Variants in KMT2C observed in about 807,000 individuals in gnomAD.
KMT2C encodes the protein histone-lysine N-methyltransferase 2C.
Under a neutral mutation model 507.9 loss-of-function variants are expected in KMT2C, and 88 were observed. The ratio of observed to expected loss-of-function variants is 0.17; its 90% confidence interval spans 0.15 to 0.21. KMT2C has a LOEUF of 0.21. Among genes scored for constraint, KMT2C ranks in the 10% least tolerant of loss-of-function variants. The probability of loss-of-function intolerance (pLI) is 1.00; values close to 1 mark genes in which losing one functional copy is unlikely to be tolerated. For missense variants in KMT2C, 4,954 were observed against 5,957.8 expected, an observed-to-expected ratio of 0.83 and a Z score of 5.55; for synonymous variants, 2,049 against 2,080.8, an observed-to-expected ratio of 0.98 and a Z score of 0.42.
intron 6 of KMT2C, among the ~76,000 whole-genome samples, chr7:152,281,743 CAA>C (rs144376346): frequency 1.6e-4 from 22 of 133,814 alleles, no homozygotes; most frequent in East Asian, 4.4e-4. Flanking sequence ...AAAACAAAAA[CAA>C]AAAAAAAAAG....
chr7:152,256,612 T>C (rs2095666163), intron 9 of KMT2C, among the ~76,000 whole-genome samples: 1 of 152,156 alleles, frequency 6.6e-6, no homozygotes, highest in Admixed American at 6.5e-5. Flanking sequence ...AGTATCTGCA[T>C]CATGTAACAC....
At chr7:152,287,728 C>CA in intron 6 of KMT2C, among the ~76,000 whole-genome samples, 1 of 152,226 alleles carries the variant, frequency 6.6e-6, no homozygotes, top group South Asian at 2.1e-4. Flanking sequence ...AACACTGCTT[C>CA]AACAAGCAAT....
In KMT2C at chr7:152,252,540, T is replaced by C. The variant is rs1341998555; in HGVS notation, c.1469+6A>G. 7 of 1,607,958 alleles carry C rather than the reference T, an allele frequency of 4.4e-6. No homozygotes were observed. The highest frequency in any genetic ancestry group is 6.0e-6 in the Non-Finnish European group (7 of 1,175,508). On this transcript the variant is annotated splice_donor_region_variant and intron_variant, in intron 10 of 58. Transcript: ENST00000262189. ...AAACAACTGAATAGAATAACTATCTTCTTACCTTTTGCACATATTACAATG... is the reference window on the plus strand; with the variant it reads ...AAACAACTGAATAGAATAACTATCTCCTTACCTTTTGCACATATTACAATG...
intron 39 of KMT2C, among the ~76,000 whole-genome samples, chr7:152,171,709 A>C (rs781458201): frequency 2.0e-5 from 3 of 152,268 alleles, no homozygotes; most frequent in Non-Finnish European, 4.4e-5. Context: ...TCAAGACTTC[A>C]GAATAAAAAT....
At chr7:152,187,598 C>G in intron 32 of KMT2C, 117 bp downstream of exon 32, 1 of 1,428,622 alleles carries the variant, frequency 7.0e-7, no homozygotes, top group Non-Finnish European at 9.6e-7. Flanking sequence ...ATAGCAAAAG[C>G]CACAATAAAC....
chr7:152,369,334 A>G (rs2097274064), intron 1 of KMT2C, among the ~76,000 whole-genome samples: 2 of 151,966 alleles, frequency 1.3e-5, no homozygotes, highest in Admixed American at 1.3e-4. Context: ...AAAAAAAACA[A>G]AAACAAAAAA....
intron 53 of KMT2C, 91 bp from the exon 54 acceptor site, chr7:152,145,386 A>T (rs990754831): frequency 1.2e-5 from 15 of 1,281,216 alleles, no homozygotes; most frequent in Non-Finnish European, 1.6e-5. Context: ...CACGACAGAA[A>T]TAACTCATCA....
At chr7:152,241,292 C>T (rs766434058) in intron 14 of KMT2C, among the ~76,000 whole-genome samples, 13 of 152,098 alleles carry the variant, frequency 8.5e-5, no homozygotes, top group Non-Finnish European at 1.5e-4. Flanking sequence ...CTCTACCTCC[C>T]AGGTTCAAGC....
At chr7:152,307,270 GAAGAAAGA>G (rs1209778519) in intron 6 of KMT2C, among the ~76,000 whole-genome samples, 5 of 97,696 alleles carry the variant, frequency 5.1e-5, no homozygotes, top group African/African-American at 1.5e-4. Flanking sequence ...AGGAAGGAAG[GAAGAAAGA>G]AAGGAAGGAA....
chr7:152,220,665 G>A lies in KMT2C; in HGVS notation c.3570C>T (p.Leu1190=), dbSNP rs1288507139. Residue 1190 remains leucine (L), a synonymous_variant, in exon 23 of 59, where the codon CTC becomes CTT. Coordinates refer to ENST00000262189, the MANE Select transcript of KMT2C (RefSeq NM_170606.3). The part of the protein sequence containing the change: ...TESGMTQLQS[L]TVTVPRRKRS... ...GTTTTCTTCTTGGAACTGTAACTGT[G>A]AGGCTCTGTAACTGAGTCATCCCTG... 3 of 1,611,688 alleles carry A rather than the reference G, an allele frequency of 1.9e-6. No individual in the cohort carries two copies. The highest frequency in any genetic ancestry group is 3.3e-5 in the Admixed American group (2 of 60,002).
chr7:152,157,218 C>T (rs796735514), intron 44 of KMT2C, among the ~76,000 whole-genome samples: 15 of 150,574 alleles, frequency 1.0e-4, no homozygotes, highest in African/African-American at 3.2e-4. Flanking sequence ...GTCCCAGCTA[C>T]TTGGTAGGTT....
In KMT2C at chr7:152,219,675, A is replaced by C. The variant is rs572005848; in HGVS notation, c.3712+848T>G. Among the ~76,000 whole-genome samples, 17 of 152,306 alleles carry C rather than the reference A, an allele frequency of 1.1e-4. No homozygotes were observed. In the South Asian group the frequency reaches 1.2e-3, roughly 11 times the overall value. On this transcript the variant is annotated intron_variant, in intron 23 of 58. Coordinates refer to ENST00000262189, the MANE Select transcript of KMT2C (RefSeq NM_170606.3). Reference sequence around the variant, plus strand: ...TCAGTTGAAAATAAATAACCGCCCCAAAAATGAGCAAACCAACAGTAATCC... The same window carrying C: ...TCAGTTGAAAATAAATAACCGCCCCCAAAATGAGCAAACCAACAGTAATCC...
chr7:152,293,709 G>C (rs968552003), intron 6 of KMT2C, among the ~76,000 whole-genome samples: 1 of 152,124 alleles, frequency 6.6e-6, no homozygotes, highest in Non-Finnish European at 1.5e-5. Context: ...ATTAAATTGA[G>C]ACATCTTCAT....
intron 1 of KMT2C, among the ~76,000 whole-genome samples, chr7:152,422,830 T>C (rs1236486225): frequency 7.3e-5 from 11 of 151,716 alleles, no homozygotes; most frequent in African/African-American, 2.4e-4. Flanking sequence ...AAGATCAACC[T>C]GGCTAACACG....
intron 1 of KMT2C, among the ~76,000 whole-genome samples, chr7:152,420,243 A>C (rs956424941): frequency 7.2e-5 from 11 of 152,218 alleles, no homozygotes; most frequent in African/African-American, 2.2e-4. Context: ...TTTGAAAGGA[A>C]GAGATTTTAA....
chr7:152,183,986 C>T (rs1159582126), intron 34 of KMT2C, among the ~76,000 whole-genome samples: 1 of 150,944 alleles, frequency 6.6e-6, no homozygotes, highest in Non-Finnish European at 1.5e-5. Context: ...GCAGGAGAAT[C>T]GCTTGAATCT....
intron 1 of KMT2C, among the ~76,000 whole-genome samples, chr7:152,377,147 C>T (rs113930439): frequency 2.0e-3 from 290 of 141,978 alleles, no homozygotes; most frequent in African/African-American, 4.7e-3. Context: ...AAGAATTATG[C>T]TATATCTAAT....
chr7:152,388,010 T>C (rs2097447913), intron 1 of KMT2C, among the ~76,000 whole-genome samples: 1 of 150,832 alleles, frequency 6.6e-6, no homozygotes, highest in Non-Finnish European at 1.5e-5. Context: ...TTTACAGTAA[T>C]GCAAAGTGAT....
intron 25 of KMT2C, among the ~76,000 whole-genome samples, chr7:152,203,476 AGT>A (rs2094205407): frequency 6.6e-6 from 1 of 152,158 alleles, no homozygotes; most frequent in South Asian, 2.1e-4. Flanking sequence ...TTAAAGAAAA[AGT>A]GTGTCCTTTA....
Sources: gnomAD v4.1 joint callset for allele counts (sites outside exome capture counted in the v4.1 genomes callset) on GRCh38, gnomAD v4.1.1 for gene constraint, MANE v1.5 for transcripts, NCBI Gene and HGNC (gene_info 2026-07-23, HGNC 2026-07-21) for gene names.